The following GRK2 variants were observed in gnomAD, a reference collection of about 807,000 sequenced individuals.
GRK2 encodes the protein adrenergic beta receptor kinase 1.
In GRK2, 23 loss-of-function variants were observed where a neutral mutation model predicts 97.8. That is an observed-to-expected ratio of 0.24 (90% CI 0.17 to 0.33). GRK2 has a LOEUF of 0.33. Ranked by LOEUF, GRK2 falls within the 10% of genes least tolerant of loss-of-function variation. The probability of loss-of-function intolerance (pLI) is 1.00; values close to 1 mark genes in which losing one functional copy is unlikely to be tolerated. For synonymous variants in GRK2, 425 were observed against 381.7 expected (o/e 1.11, Z -1.32); for missense variants, 633 against 956.9 (o/e 0.66, Z 4.47).
intron 1 of GRK2, among the ~76,000 whole-genome samples, chr11:67,272,541 G>A (rs1411350312): frequency 2.0e-5 from 3 of 152,174 alleles, no homozygotes; most frequent in Non-Finnish European, 4.4e-5. Context: ...AGAAGGGACC[G>A]GAAGTGCTCC....
chr11:67,280,594 G>A (rs1860126704), intron 6 of GRK2, 138 bp from the exon 7 acceptor site: 1 of 980,950 alleles, frequency 1.0e-6, no homozygotes, highest in Non-Finnish European at 1.6e-6. Flanking sequence ...CTTCCTGGAA[G>A]AGGACATTAA....
At chr11:67,277,153 C>A (rs1860048133) in intron 1 of GRK2, 119 bp from the exon 2 acceptor site, 2 of 895,414 alleles carry the variant, frequency 2.2e-6, no homozygotes, top group Non-Finnish European at 3.5e-6. Flanking sequence ...GCCTGACGGG[C>A]TGGCCTCCTT....
intron 1 of GRK2, among the ~76,000 whole-genome samples, chr11:67,274,516 T>G (rs1216858748): frequency 2.6e-5 from 3 of 116,534 alleles, no homozygotes; most frequent in African/African-American, 9.3e-5. Context: ...TTTTTTTTTT[T>G]TTTTTTGCTT....
Position 67,281,268 on chromosome 11 carries a change from C to A in GRK2, c.647+84C>A. ...TGACAGGCCGGGTTCCACACAGGGCCACCTGCTGCTCCATGCACTCCTGTC... is the reference window on the plus strand; with the variant it reads ...TGACAGGCCGGGTTCCACACAGGGCAACCTGCTGCTCCATGCACTCCTGTC... On this transcript the variant is annotated intron_variant, in intron 8 of 20. Transcript: ENST00000308595. This position sits in a 1 kb window ranked among gnomAD's most constrained non-coding sequence, Gnocchi z 5.7. 3 of 1,278,762 alleles carry A rather than the reference C, an allele frequency of 2.3e-6. No individual in the cohort carries two copies. Among genetic ancestry groups the A allele is most frequent in the Non-Finnish European group, 2.2e-6 (2 of 896,412 alleles). 79.2% of individuals were successfully genotyped at this position (1,278,762 alleles called of 1,614,324 possible). A position where few individuals can be genotyped will look rare whatever the true frequency, so the allele number is the denominator to read the frequency against.
At chr11:67,280,857 T>G (rs1276350370) in intron 7 of GRK2, 74 bp downstream of exon 7, 2 of 1,557,400 alleles carry the variant, frequency 1.3e-6, no homozygotes, top group African/African-American at 1.4e-5. Flanking sequence ...GCCTGTGGCT[T>G]GGCTGGGAGG....
At position 67,275,952 on chromosome 11, in the gene GRK2, G is replaced by A. The variant is rs909032090; in HGVS notation, c.114-1320G>A. Among the ~76,000 whole-genome samples the A allele has an allele frequency of 1.4e-4, 21 of 152,330 alleles. 1 individual carries two copies. The East Asian group carries it at 4.1e-3, about 29-fold the overall frequency. On this transcript the variant is annotated intron_variant, in intron 1 of 20. Coordinates refer to ENST00000308595, the MANE Select transcript of GRK2 (RefSeq NM_001619.5). ...TTGGCATGAGGTACACAGTGCCTCAGGGGTAGATGTGCAGCGGGTCCTCGT... is the reference window on the plus strand; with the variant it reads ...TTGGCATGAGGTACACAGTGCCTCAAGGGTAGATGTGCAGCGGGTCCTCGT...
chr11:67,281,249 G>C lies in GRK2; in HGVS notation c.647+65G>C. Reference sequence around the variant, plus strand: ...CCGGGCTCCTGGGGGACCCTGACAGGCCGGGTTCCACACAGGGCCACCTGC... The same window carrying C: ...CCGGGCTCCTGGGGGACCCTGACAGCCCGGGTTCCACACAGGGCCACCTGC... On this transcript the variant is annotated intron_variant, in intron 8 of 20. Transcript: ENST00000308595. This position sits in a 1 kb window ranked among gnomAD's most constrained non-coding sequence, Gnocchi z 5.7. The C allele has an allele frequency of 1.4e-6, 2 of 1,465,156 alleles. No homozygotes were observed. Among genetic ancestry groups the C allele is most frequent in the Non-Finnish European group, 1.9e-6 (2 of 1,057,866 alleles). The allele number at this position is 1,465,156 out of a possible 1,614,324, so 90.8% of individuals were successfully genotyped here.
Position 67,286,294 on chromosome 11 carries a change from T to TGG in GRK2, c.*844_*845insGG. The TGG allele has an allele frequency of 1.5e-6, 1 of 646,680 alleles. No homozygotes were observed. Among genetic ancestry groups the TGG allele is most frequent in the Non-Finnish European group, 2.8e-6 (1 of 361,286 alleles). 40.1% of individuals were successfully genotyped at this position (646,680 alleles called of 1,614,324 possible). On this transcript the variant is annotated 3_prime_UTR_variant, in exon 21 of 21. Transcript: ENST00000308595. Reference sequence around the variant, plus strand: ...CTGGGGCCTATCAGTGTGCCCCCCATCCTGGCCCATCAGTGTACCCCCGCC... The same window carrying TGG: ...CTGGGGCCTATCAGTGTGCCCCCCATGGCCTGGCCCATCAGTGTACCCCCGCC...
intron 2 of GRK2, among the ~76,000 whole-genome samples, chr11:67,278,806 A>G (rs1860085022): frequency 6.6e-6 from 1 of 151,956 alleles, no homozygotes; most frequent in Non-Finnish European, 1.5e-5. Context: ...GCACCTGCAC[A>G]GCCCGCCCCG....
chr11:67,277,584 C>T (rs970694911), intron 2 of GRK2, among the ~76,000 whole-genome samples: 8 of 152,240 alleles, frequency 5.3e-5, no homozygotes, highest in East Asian at 1.9e-4. Flanking sequence ...CTTCCAGGGC[C>T]GCCAGGGAAG....
intron 1 of GRK2, among the ~76,000 whole-genome samples, chr11:67,273,791 G>A (rs1361102663): frequency 6.6e-6 from 1 of 152,132 alleles, no homozygotes; most frequent in East Asian, 1.9e-4. Flanking sequence ...GGGGAGAGAT[G>A]GCCTCAGAGC....
rs752302710 is a variant in GRK2 at position 67,277,254 on chromosome 11, C to T, written c.114-18C>T. The T allele has an allele frequency of 1.8e-5, 29 of 1,612,478 alleles. No individual in the cohort carries two copies. Among genetic ancestry groups the T allele is most frequent in the East Asian group, 6.7e-5 (3 of 44,882 alleles). The stretch of plus-strand genomic sequence containing the variant: ...GGGCTCTGGGGGCTTCTGCTTACTG[C>T]GCCCCCCTGACCCACAGCATCCGCA... On this transcript the variant is annotated intron_variant, in intron 1 of 20. Transcript: ENST00000308595.
chr11:67,270,202 C>T (rs2136488677), intron 1 of GRK2, among the ~76,000 whole-genome samples: 1 of 152,302 alleles, frequency 6.6e-6, no homozygotes, highest in Middle Eastern at 3.4e-3. Flanking sequence ...TTGTAATTAT[C>T]ATCATTTGCT....
At chr11:67,284,776 G>A in intron 18 of GRK2, 71 bp from the exon 19 acceptor site, 1 of 1,550,608 alleles carries the variant, frequency 6.4e-7, no homozygotes, top group Non-Finnish European at 8.7e-7. Flanking sequence ...GCAACAGAGT[G>A]GAGACCCTGT....
chr11:67,282,103 ACT>A lies in GRK2; in HGVS notation c.957+156_957+157del. 3 of 1,263,918 alleles carry A rather than the reference ACT, an allele frequency of 2.4e-6. No individual in the cohort carries two copies. The highest frequency in any genetic ancestry group is 3.3e-6 in the Non-Finnish European group (3 of 899,796). 78.3% of individuals were successfully genotyped at this position (1,263,918 alleles called of 1,614,324 possible). On this transcript the variant is annotated intron_variant, in intron 11 of 20. Transcript: ENST00000308595. This position sits in a 1 kb window ranked among gnomAD's most constrained non-coding sequence, Gnocchi z 6.9. Reference sequence around the variant, plus strand: ...CCGCCCCTGCCCTTCCCACCGAGCCACTCTCTGGGTCCAGGTTGTAGCTGGGG... The same window carrying A: ...CCGCCCCTGCCCTTCCCACCGAGCCACTCTGGGTCCAGGTTGTAGCTGGGG...
Position 67,266,694 on chromosome 11 carries a change from GC to G in GRK2, c.-4del. 8.3e-7 allele frequency: 1 copy of G among 1,203,482 alleles called. No individual in the cohort carries two copies. 74.6% of individuals were successfully genotyped at this position (1,203,482 alleles called of 1,614,324 possible). On this transcript the variant is annotated 5_prime_UTR_variant, in exon 1 of 21. Transcript: ENST00000308595. Reference sequence around the variant, plus strand: ...GGCGGCGGGAGGAGGCAGCGCCGCCGCCAAGATGGCGGACCTGGAGGCGGTG... The same window carrying G: ...GGCGGCGGGAGGAGGCAGCGCCGCCGCAAGATGGCGGACCTGGAGGCGGTG...
Position 67,279,486 on chromosome 11 carries a change from A to C in GRK2, c.333A>C (p.Ser111=). The C allele has an allele frequency of 6.2e-7, 1 of 1,613,336 alleles. No homozygotes were observed. Residue 111 remains serine (S), a synonymous_variant, in exon 4 of 21, where the codon TCA becomes TCC. Transcript: ENST00000308595. ...CCCGCAGCCGGGAGATCTTCGACTC[A>C]TACATCATGAAGGAGCTGCTGGCCT... The part of the protein sequence containing the change: ...RVARSREIFD[S]YIMKELLACS...
At position 67,282,553 on chromosome 11, in the gene GRK2, C is replaced by A; in HGVS notation, c.1160+11C>A. 1 of 1,611,958 alleles carries A rather than the reference C, an allele frequency of 6.2e-7. No individual in the cohort carries two copies. ...CAAGTTGCTGCGGGGGTGAGTGGCC[C>A]ATCCCAGGTGGGCAGGTGGGTTGGG... is the stretch of plus-strand genomic sequence containing the variant. On this transcript the variant is annotated intron_variant, in intron 13 of 20. Coordinates refer to ENST00000308595, the MANE Select transcript of GRK2 (RefSeq NM_001619.5). The surrounding 1 kb of genome is among the most constrained non-coding windows in gnomAD (Gnocchi z 6.9).
chr11:67,282,847 A>C lies in GRK2; in HGVS notation c.1227+29A>C, dbSNP rs1860185076. 6.3e-7 allele frequency: 1 copy of C among 1,594,512 alleles called. No individual in the cohort carries two copies. Among genetic ancestry groups the C allele is most frequent in the African/African-American group, 1.3e-5 (1 of 74,730 alleles). The stretch of plus-strand genomic sequence containing the variant: ...GGTGCAGGTCTCAGTGCAGGGCCGC[A>C]GGGGGCTGGGGGGAGCTCCTGTGGG... On this transcript the variant is annotated intron_variant, in intron 14 of 20. Coordinates refer to ENST00000308595, the MANE Select transcript of GRK2 (RefSeq NM_001619.5). This position sits in a 1 kb window ranked among gnomAD's most constrained non-coding sequence, Gnocchi z 6.9.
Sources: allele counts gnomAD v4.1 joint callset (sites outside exome capture counted in the v4.1 genomes callset), GRCh38; gene constraint gnomAD v4.1.1; non-coding constraint Gnocchi (gnomAD v3.1); transcripts MANE v1.5; gene names NCBI Gene and HGNC (gene_info 2026-07-23, HGNC 2026-07-21).